Variants in MDGA2 observed in about 807,000 individuals in gnomAD.
MDGA2 encodes the protein MAM domain containing glycosylphosphatidylinositol anchor 2.
In MDGA2, 40 loss-of-function variants were observed where a neutral mutation model predicts 117.8. The ratio of observed to expected loss-of-function variants is 0.34; its 90% CI spans 0.26 to 0.44. The LOEUF is 0.44. Among genes scored for constraint, MDGA2 ranks in the 20% least tolerant of loss-of-function variants. The pLI, the probability that MDGA2 is intolerant of heterozygous loss-of-function variation, is 1.00. For missense variants in MDGA2, 1,123 were observed against 1,250.6 expected (o/e 0.90, Z 1.54); for synonymous variants, 452 against 439.0 (o/e 1.03, Z -0.37).
At chr14:47,222,516 C>T (rs1886339989) in intron 2 of MDGA2, among the ~76,000 whole-genome samples, 1 of 151,998 alleles carries the variant, frequency 6.6e-6, no homozygotes, top group African/African-American at 2.4e-5. Context: ...ATACAGCTTT[C>T]TGAGATTCAG....
chr14:46,891,348 T>C (rs1882877349), intron 10 of MDGA2, among the ~76,000 whole-genome samples: 1 of 151,570 alleles, frequency 6.6e-6, no homozygotes, highest in Non-Finnish European at 1.5e-5. Flanking sequence ...GAGAAAAGAG[T>C]AAATATGGTA....
At chr14:47,185,215 T>C (rs994272935) in intron 3 of MDGA2, among the ~76,000 whole-genome samples, 1 of 151,114 alleles carries the variant, frequency 6.6e-6, no homozygotes, top group Non-Finnish European at 1.5e-5. Flanking sequence ...CAGAATAATA[T>C]TATGGAAGCA....
At chr14:47,370,468 G>GTCTTTT (rs1891322901) in intron 1 of MDGA2, among the ~76,000 whole-genome samples, 1 of 20,678 alleles carries the variant, frequency 4.8e-5, no homozygotes. Context: ...TCTACTTACT[G>GTCTTTT]TTTTTTTTTT....
At chr14:47,086,426 C>G (rs920551669) in intron 6 of MDGA2, among the ~76,000 whole-genome samples, 5 of 151,994 alleles carry the variant, frequency 3.3e-5, no homozygotes, top group Non-Finnish European at 7.4e-5. Context: ...TTCAAAGAGA[C>G]AGAAAAACAC....
Position 47,144,269 on chromosome 14 carries a change from C to T in MDGA2, c.601G>A (p.Asp201Asn). The T allele has an allele frequency of 6.5e-7, 1 of 1,545,360 alleles. No homozygotes were observed. The highest frequency in any genetic ancestry group is 1.2e-5 in the South Asian group (1 of 83,014). Reference sequence around the variant, plus strand: ...TGATGAACAGTTACTACTGGATCATCCAAATCTAAAGGAAATAAAAACAAC... The same window carrying T: ...TGATGAACAGTTACTACTGGATCATTCAAATCTAAAGGAAATAAAAACAAC... ...KSIRVDVYYL[D>N]DPVVTVHQSI... Residue 201 changes from aspartate (D) to asparagine (N), a missense_variant, in exon 4 of 17, where the codon GAT becomes AAT. Around this residue, in one of 2 missense-constraint regions of MDGA2, gnomAD observed 890 missense variants for 1,050.3 expected, o/e 0.85. Transcript: ENST00000399232.
intron 1 of MDGA2, among the ~76,000 whole-genome samples, chr14:47,494,940 C>T (rs1321379560): frequency 1.3e-5 from 2 of 149,890 alleles, no homozygotes; most frequent in Non-Finnish European, 3.0e-5. Context: ...TTTACATATA[C>T]ACACACATAT....
At chr14:47,098,125 C>G (rs1958089) in intron 5 of MDGA2, among the ~76,000 whole-genome samples, 1 of 151,552 alleles carries the variant, frequency 6.6e-6, no homozygotes, top group African/African-American at 2.4e-5. Flanking sequence ...TGAAATCAAT[C>G]TACATCGGAA....
chr14:47,246,278 T>C (rs1003158176), intron 2 of MDGA2, among the ~76,000 whole-genome samples: 2 of 151,810 alleles, frequency 1.3e-5, no homozygotes, highest in Admixed American at 6.6e-5. Flanking sequence ...TTCCCAGTAA[T>C]AGCTAGCCAA....
At chr14:47,063,154 T>C in intron 6 of MDGA2, among the ~76,000 whole-genome samples, 1 of 152,032 alleles carries the variant, frequency 6.6e-6, no homozygotes, top group East Asian at 1.9e-4. Flanking sequence ...CGATGAAATA[T>C]TTTATATGCC....
At chr14:47,234,712 T>C (rs1247274284) in intron 2 of MDGA2, among the ~76,000 whole-genome samples, 1 of 152,138 alleles carries the variant, frequency 6.6e-6, no homozygotes, top group Non-Finnish European at 1.5e-5. Flanking sequence ...TATACATTCA[T>C]TATTTTAGGT....
chr14:47,284,601 G>A (rs143544666), intron 2 of MDGA2, among the ~76,000 whole-genome samples: 2,159 of 152,240 alleles, frequency 0.014, 41 homozygotes, highest in South Asian at 0.072. Flanking sequence ...CAAACATAAT[G>A]AGAAATGTCC....
intron 2 of MDGA2, among the ~76,000 whole-genome samples, chr14:47,288,406 T>A (rs41395845): frequency 0.091 from 13,866 of 152,150 alleles, 788 homozygotes; most frequent in Non-Finnish European, 0.11. Context: ...ACACAAAAAA[T>A]TCACGTCAAT....
At chr14:47,085,463 G>T (rs558284628) in intron 6 of MDGA2, among the ~76,000 whole-genome samples, 1 of 152,066 alleles carries the variant, frequency 6.6e-6, no homozygotes, top group African/African-American at 2.4e-5. Context: ...TCACAGTCTA[G>T]TCTCACTATA....
At chr14:46,930,991 C>A (rs547272621) in intron 9 of MDGA2, among the ~76,000 whole-genome samples, 7 of 151,838 alleles carry the variant, frequency 4.6e-5, no homozygotes, top group African/African-American at 1.7e-4. Flanking sequence ...CCGAGGCGGG[C>A]GGATCACGAG....
intron 9 of MDGA2, among the ~76,000 whole-genome samples, chr14:46,949,147 G>T (rs1192938661): frequency 6.6e-6 from 1 of 152,062 alleles, no homozygotes; most frequent in African/African-American, 2.4e-5. Flanking sequence ...GATAGAGGAA[G>T]CAAGGCCACA....
At chr14:47,608,509 G>C (rs1896781773) in intron 1 of MDGA2, among the ~76,000 whole-genome samples, 1 of 152,094 alleles carries the variant, frequency 6.6e-6, no homozygotes, top group Non-Finnish European at 1.5e-5. Flanking sequence ...GCTGTGAAAT[G>C]GGTGAATGCA....
chr14:47,367,247 C>T (rs1891250534), intron 1 of MDGA2, among the ~76,000 whole-genome samples: 2 of 152,098 alleles, frequency 1.3e-5, no homozygotes, highest in African/African-American at 4.8e-5. Context: ...AGCAATCATC[C>T]ATCTTGTTTC....
At chr14:46,947,516 T>A (rs1342620697) in intron 9 of MDGA2, among the ~76,000 whole-genome samples, 1 of 152,000 alleles carries the variant, frequency 6.6e-6, no homozygotes, top group Non-Finnish European at 1.5e-5. Flanking sequence ...TTCCCATGTG[T>A]TGTGGGAGGG....
intron 3 of MDGA2, among the ~76,000 whole-genome samples, chr14:47,170,869 T>C (rs1186112307): frequency 6.6e-6 from 1 of 152,156 alleles, no homozygotes; most frequent in Non-Finnish European, 1.5e-5. Context: ...AAGAAGAATA[T>C]TTTTTAAGTT....
Sources: allele counts gnomAD v4.1 joint callset (sites outside exome capture counted in the v4.1 genomes callset), GRCh38; gene constraint gnomAD v4.1.1; regional missense constraint gnomAD v4.1.1; transcripts MANE v1.5; gene names NCBI Gene and HGNC (gene_info 2026-07-23, HGNC 2026-07-21).